SOCS2: variants seen among roughly 807,000 people sequenced by gnomAD.
SOCS2 encodes the protein suppressor of cytokine signaling 2.
SOCS2 carries 10 observed loss-of-function variants against 18.6 expected under a neutral mutation model. The observed-to-expected ratio is 0.54, with a 90% CI of 0.33 to 0.91. The LOEUF (loss-of-function observed/expected upper bound fraction) is 0.91. SOCS2 is among the 40% of genes least tolerant of loss of function. The pLI is 0.02. For synonymous variants in SOCS2, 104 were observed against 104.0 expected, an observed-to-expected ratio of 1.00 and a Z score of 0.00; for missense variants, 231 against 247.2, an observed-to-expected ratio of 0.93 and a Z score of 0.44.
chr12:93,590,783 C>CAAAAAAAAAAAAAAAAAAAAAAA, the SOCS2 span, among the ~76,000 whole-genome samples: 2 of 38,956 alleles, frequency 5.1e-5, no homozygotes, highest in African/African-American at 2.4e-4. Context: ...GACTCCGCCT[C>CAAAAAAAAAAAAAAAAAAAAAAA]AAAAAAAAAA....
At position 93,574,822 on chromosome 12, in the gene SOCS2, C is replaced by T. The variant is rs1419291077; in HGVS notation, c.240C>T (p.Tyr80=). ...FLIRDSSHSD[Y]LLTISVKTSA... ...TTAGAGATAGCTCGCATTCAGACTA[C>T]CTACTAACAATATCTGTTAAAACAT... Residue 80 remains tyrosine (Y), a synonymous_variant, in exon 2 of 2, where the codon TAC becomes TAT. Transcript: ENST00000551556. 6.2e-7 allele frequency: 1 copy of T among 1,614,120 alleles called. No homozygotes were observed. Among genetic ancestry groups the T allele is most frequent in the Non-Finnish European group, 8.5e-7 (1 of 1,179,980 alleles).
At chr12:93,604,323 G>A in the SOCS2 span, among the ~76,000 whole-genome samples, 3 of 152,136 alleles carry the variant, frequency 2.0e-5, no homozygotes, top group East Asian at 1.9e-4. Flanking sequence ...ATTGGGCAAT[G>A]CCTATTTAAA....
chr12:93,583,049 G>A (rs149433302), exon 2 of SOCS2: 1 of 141,702 alleles, frequency 7.1e-6, no homozygotes. Context: ...CTGGTTAGAA[G>A]AATTTTGTGT....
chr12:93,612,406 A>G, the SOCS2 span, among the ~76,000 whole-genome samples: 1 of 151,506 alleles, frequency 6.6e-6, no homozygotes, highest in Non-Finnish European at 1.5e-5. Context: ...TTCCTCCTCT[A>G]CACTGAGGAC....
Position 93,576,273 on chromosome 12 carries a change from C to T in SOCS2, c.*1094C>T, listed in dbSNP as rs1954457704. 6.6e-6 allele frequency: 1 copy of T among 152,620 alleles called. No homozygotes were observed. The highest frequency in any genetic ancestry group is 2.4e-5 in the African/African-American group (1 of 41,460). 9.5% of individuals were successfully genotyped at this position (152,620 alleles called of 1,614,324 possible). A position where few individuals can be genotyped will look rare whatever the true frequency, so the allele number is the denominator to read the frequency against. ...AATAGAGGATTGCCATAAAAACTTA[C>T]GTCAAGTGAAATAAGCCAATTATTC... On this transcript the variant is annotated 3_prime_UTR_variant, in exon 2 of 2. Transcript: ENST00000551556.
chr12:93,592,917 C>CTTT, the SOCS2 span, among the ~76,000 whole-genome samples: 18 of 107,350 alleles, frequency 1.7e-4, no homozygotes, highest in East Asian at 2.7e-4. Context: ...ACTGAGAAAG[C>CTTT]TTTTTTTTTT....
At chr12:93,574,665 A>G in intron 1 of SOCS2, 57 bp from the exon 2 acceptor site, 1 of 1,281,598 alleles carries the variant, frequency 7.8e-7, no homozygotes, top group South Asian at 1.5e-5. Flanking sequence ...TGTTCTAAGA[A>G]TTCTTATAAT....
the SOCS2 span, among the ~76,000 whole-genome samples, chr12:93,613,192 A>G: frequency 6.6e-6 from 1 of 152,228 alleles, no homozygotes; most frequent in Non-Finnish European, 1.5e-5. Context: ...CTCCTTTTGA[A>G]TGAGAATAAA....
upstream of SOCS2, chr12:93,572,637 G>A: frequency 1.7e-6 from 1 of 585,528 alleles, no homozygotes; most frequent in South Asian, 1.5e-5. The surrounding 1 kb of genome is among the most constrained non-coding windows in gnomAD (Gnocchi z 5.0). Context: ...CACCCCAGCC[G>A]CAGGGGTCCA....
chr12:93,625,405 A>G, the SOCS2 span, among the ~76,000 whole-genome samples: 42 of 152,346 alleles, frequency 2.8e-4, 1 homozygote, highest in South Asian at 8.5e-3. Context: ...ACCAAGTCCC[A>G]GGTTTAGCCA....
chr12:93,614,428 T>C, the SOCS2 span, among the ~76,000 whole-genome samples: 1 of 75,486 alleles, frequency 1.3e-5, no homozygotes, highest in Non-Finnish European at 2.5e-5. Flanking sequence ...TTCCTTTCTT[T>C]CCCTTCCTTC....
At chr12:93,595,698 A>G in the SOCS2 span, among the ~76,000 whole-genome samples, 1 of 152,138 alleles carries the variant, frequency 6.6e-6, no homozygotes, top group Non-Finnish European at 1.5e-5. Context: ...AGTTTTTGAG[A>G]GCTTCAAGTT....
chr12:93,594,259 A>AT, the SOCS2 span, among the ~76,000 whole-genome samples: 1 of 152,220 alleles, frequency 6.6e-6, no homozygotes, highest in Non-Finnish European at 1.5e-5. Context: ...TTTAAGGATA[A>AT]TGCAGAGAAT....
At chr12:93,625,264 G>C in the SOCS2 span, among the ~76,000 whole-genome samples, 1 of 150,372 alleles carries the variant, frequency 6.7e-6, no homozygotes, top group Non-Finnish European at 1.5e-5. Context: ...ATCTCTCTCT[G>C]TCATTAAAAT....
chr12:93,604,064 A>G, the SOCS2 span, among the ~76,000 whole-genome samples: 3 of 152,188 alleles, frequency 2.0e-5, no homozygotes, highest in Non-Finnish European at 4.4e-5. Flanking sequence ...CTATTTTGAC[A>G]GCTCTCAGAG....
At chr12:93,609,923 A>G in the SOCS2 span, among the ~76,000 whole-genome samples, 2 of 152,172 alleles carry the variant, frequency 1.3e-5, no homozygotes, top group African/African-American at 4.8e-5. Flanking sequence ...GTATCATCCC[A>G]TGGTGGAAGG....
At chr12:93,585,810 C>A (rs1406673454), downstream of SOCS2, among the ~76,000 whole-genome samples, 1 of 152,058 alleles carries the variant, frequency 6.6e-6, no homozygotes, top group Non-Finnish European at 1.5e-5. Flanking sequence ...CCCAGGACTC[C>A]CGCCCCTGCC....
At chr12:93,614,496 C>T in the SOCS2 span, among the ~76,000 whole-genome samples, 655 of 40,868 alleles carry the variant, frequency 0.016, 28 homozygotes, top group Middle Eastern at 0.11. Flanking sequence ...TCCTTCCTTC[C>T]TTCCTTCCTT....
At position 93,574,991 on chromosome 12, in the gene SOCS2, C is replaced by A. The variant is rs770266612; in HGVS notation, c.409C>A (p.Arg137=). The A allele has an allele frequency of 6.2e-7, 1 of 1,614,034 alleles. No individual in the cohort carries two copies. The highest frequency in any genetic ancestry group is 1.3e-5 in the African/African-American group (1 of 75,018). The change falls in exon 2 of 2, where the codon CGG becomes AGG. Residue 137 remains arginine (R), a synonymous_variant. Transcript: ENST00000551556. ...DYYVQMCKDK[R]TGPEAPRNGT... is the part of the protein sequence containing the mutation. ...CTATGTTCAGATGTGCAAGGATAAG[C>A]GGACAGGTCCAGAAGCCCCCCGGAA... is the stretch of plus-strand genomic sequence containing the variant.
Sources: gnomAD v4.1 joint callset for allele counts (sites outside exome capture counted in the v4.1 genomes callset) on GRCh38, gnomAD v4.1.1 for gene constraint, Gnocchi (gnomAD v3.1) non-coding constraint, MANE v1.5 for transcripts, NCBI Gene and HGNC (gene_info 2026-07-23, HGNC 2026-07-21) for gene names.